Variants in SPEF2 observed in about 807,000 individuals in gnomAD.
The protein encoded by SPEF2 is sperm flagella and cilia-associated protein 2.
A neutral mutation model predicts 224.6 loss-of-function variants in SPEF2; 187 were observed. The observed-to-expected ratio is 0.83, with a 90% confidence interval of 0.74 to 0.94. The LOEUF (loss-of-function observed/expected upper bound fraction) is 0.94, where lower values mean the gene tolerates loss of function less well. Among genes scored for constraint, SPEF2 ranks in the 40% least tolerant of loss-of-function variants. SPEF2 has a pLI of 0.00. For missense variants in SPEF2, 2,170 were observed against 2,135.6 expected (o/e 1.02, Z -0.32); for synonymous variants, 715 against 707.3 (o/e 1.01, Z -0.17).
intron 10 of SPEF2, among the ~76,000 whole-genome samples, chr5:35,681,394 ACT>A (rs1752779770): frequency 6.6e-6 from 1 of 152,104 alleles, no homozygotes; most frequent in Admixed American, 6.6e-5. Context: ...TGACTCTCTA[ACT>A]CTCTGAGTTG....
chr5:35,699,139 T>C (rs2149556273), intron 15 of SPEF2: 1 of 152,316 alleles, frequency 6.6e-6, no homozygotes, highest in East Asian at 1.9e-4. Context: ...TAATGAAATT[T>C]CCTTTAACTT....
At chr5:35,748,173 G>C (rs984000552) in intron 23 of SPEF2, among the ~76,000 whole-genome samples, 1 of 152,066 alleles carries the variant, frequency 6.6e-6, no homozygotes, top group Non-Finnish European at 1.5e-5. Context: ...CTCGGATACA[G>C]CAAAGGCAGT....
intron 2 of SPEF2, among the ~76,000 whole-genome samples, chr5:35,629,034 A>T (rs1268389187): frequency 6.6e-6 from 1 of 151,362 alleles, no homozygotes; most frequent in Non-Finnish European, 1.5e-5. Flanking sequence ...TTGCACATAC[A>T]TTTTTTATTG....
intron 13 of SPEF2, 24 bp downstream of exon 13, chr5:35,694,387 T>G: frequency 6.5e-7 from 1 of 1,536,782 alleles, no homozygotes; most frequent in Non-Finnish European, 8.8e-7. Flanking sequence ...ACAAATCATC[T>G]ATTATTTACA....
rs575391788 is a variant in SPEF2, at chr5:35,699,344, A to G, written c.2142-1152A>G. 2.0e-5 allele frequency: 3 copies of G among 152,356 alleles called. No individual in the cohort carries two copies. The South Asian group carries it at 6.2e-4, about 32-fold the overall frequency. 9.4% of individuals were successfully genotyped at this position (152,356 alleles called of 1,614,324 possible). A position where few individuals can be genotyped will look rare whatever the true frequency, so the allele number is the denominator to read the frequency against. ...TTAAGGGCTTAGAAGAACAAAGTCA[A>G]AGTTTACGCCTTTCTCACCTTGTTT... On this transcript the variant is annotated intron_variant, in intron 15 of 36. Coordinates refer to ENST00000356031, the MANE Select transcript of SPEF2 (RefSeq NM_024867.4).
chr5:35,644,138 G>T (rs1747009539), intron 3 of SPEF2, among the ~76,000 whole-genome samples: 2 of 152,116 alleles, frequency 1.3e-5, no homozygotes, highest in African/African-American at 4.8e-5. Context: ...TATATATGAG[G>T]CTATTTTGTA....
At chr5:35,687,368 T>C (rs560064262) in intron 10 of SPEF2, among the ~76,000 whole-genome samples, 6 of 152,192 alleles carry the variant, frequency 3.9e-5, no homozygotes, top group Non-Finnish European at 8.8e-5. Flanking sequence ...TAAAAAGTGC[T>C]TTCGTAACTT....
intron 2 of SPEF2, among the ~76,000 whole-genome samples, chr5:35,634,795 T>G (rs1328572114): frequency 6.6e-6 from 1 of 152,118 alleles, no homozygotes; most frequent in Non-Finnish European, 1.5e-5. Context: ...GCTAGCATCT[T>G]ACATTGGTGT....
intron 3 of SPEF2, among the ~76,000 whole-genome samples, chr5:35,642,132 T>G (rs1257349975): frequency 1.3e-5 from 2 of 152,212 alleles, no homozygotes; most frequent in Admixed American, 1.3e-4. Context: ...AGCAACCTGC[T>G]AAAATGTCTC....
intron 27 of SPEF2, among the ~76,000 whole-genome samples, chr5:35,773,151 G>A (rs759712908): frequency 6.6e-6 from 1 of 152,152 alleles, no homozygotes; most frequent in African/African-American, 2.4e-5. Flanking sequence ...GCCAAGACAG[G>A]TGGACTGCTT....
At chr5:35,689,121 A>C (rs899714274) in intron 10 of SPEF2, among the ~76,000 whole-genome samples, 4 of 152,160 alleles carry the variant, frequency 2.6e-5, no homozygotes, top group African/African-American at 9.7e-5. Context: ...TTTTTCTGTA[A>C]ACCATTAGTG....
intron 36 of SPEF2, among the ~76,000 whole-genome samples, chr5:35,809,007 G>A (rs1758379604): frequency 6.6e-6 from 1 of 151,894 alleles, no homozygotes; most frequent in East Asian, 1.9e-4. Flanking sequence ...TGAATCTCAG[G>A]TCTACCCCTC....
intron 36 of SPEF2, among the ~76,000 whole-genome samples, chr5:35,812,162 AGTT>A: frequency 1.3e-5 from 2 of 152,282 alleles, no homozygotes; most frequent in Admixed American, 1.3e-4. Flanking sequence ...GGTCTGTAGT[AGTT>A]ACCGTGCACA....
chr5:35,807,303 C>T, intron 36 of SPEF2, 50 bp downstream of exon 36: 1 of 1,580,328 alleles, frequency 6.3e-7, no homozygotes, highest in Non-Finnish European at 8.6e-7. Context: ...CAGTTCAGGA[C>T]ATGCTAGGAT....
At chr5:35,704,697 C>T (rs1739380614) in intron 17 of SPEF2, 35 bp downstream of exon 17, 1 of 1,239,358 alleles carries the variant, frequency 8.1e-7, no homozygotes, top group African/African-American at 1.5e-5. Context: ...CTTCTTGTTT[C>T]ATGCTTTTTA....
intron 21 of SPEF2, among the ~76,000 whole-genome samples, chr5:35,733,345 A>G (rs372183385): frequency 1.3e-4 from 20 of 152,110 alleles, no homozygotes; most frequent in African/African-American, 4.6e-4. Flanking sequence ...CGATCTCCTC[A>G]CCTCGTGATC....
chr5:35,709,909 C>T (rs1248708042), intron 19 of SPEF2: 4 of 985,224 alleles, frequency 4.1e-6, no homozygotes, highest in Non-Finnish European at 4.8e-6. Flanking sequence ...CCATGTCTAC[C>T]TAAGTATCTT....
Position 35,710,525 on chromosome 5 carries a change from C to A in SPEF2, c.2839+1404C>A, listed in dbSNP as rs1481895070. The A allele has an allele frequency of 3.1e-6, 3 of 956,400 alleles. No homozygotes were observed. In the African/African-American group the frequency reaches 5.3e-5, roughly 17 times the overall value. The allele number at this position is 956,400 out of a possible 1,614,324, so 59.2% of individuals were successfully genotyped here. A position where few individuals can be genotyped will look rare whatever the true frequency, so the allele number is the denominator to read the frequency against. On this transcript the variant is annotated intron_variant, in intron 19 of 36. Coordinates refer to ENST00000356031, the MANE Select transcript of SPEF2 (RefSeq NM_024867.4). ...TGAGCCGAGATTGCCCCACTGCACT[C>A]TAGCCTGGGGGATAGAGTGAAACTC...
At chr5:35,660,126 T>C (rs1352790897) in intron 8 of SPEF2, among the ~76,000 whole-genome samples, 1 of 152,192 alleles carries the variant, frequency 6.6e-6, no homozygotes, top group Non-Finnish European at 1.5e-5. Flanking sequence ...TAATAGATTA[T>C]TTTTGTCCCA....
Sources: allele counts gnomAD v4.1 joint callset (sites outside exome capture counted in the v4.1 genomes callset), GRCh38; gene constraint gnomAD v4.1.1; transcripts MANE v1.5; gene names NCBI Gene and HGNC (gene_info 2026-07-23, HGNC 2026-07-21).